FABP2: variants seen among roughly 807,000 people sequenced by gnomAD.
FABP2 encodes the protein fatty acid-binding protein, intestinal.
A neutral mutation model predicts 16.1 loss-of-function variants in FABP2; 11 were observed. That is an observed-to-expected ratio of 0.68 (90% CI 0.43 to 1.13). FABP2 has a LOEUF of 1.13. FABP2 is among the 50% of genes most tolerant of loss of function. The probability of loss-of-function intolerance (pLI) is 0.00; values close to 1 mark genes in which losing one functional copy is unlikely to be tolerated. For missense variants in FABP2, 146 were observed against 155.1 expected (o/e 0.94, Z 0.31); for synonymous variants, 45 against 50.9 (o/e 0.88, Z 0.49).
At position 119,320,753 on chromosome 4, in the gene FABP2, AT is replaced by A; in HGVS notation, c.156del (p.Glu52AspfsTer22). 6.2e-7 allele frequency: 1 copy of A among 1,606,280 alleles called. No individual in the cohort carries two copies. Among genetic ancestry groups the A allele is most frequent in the South Asian group, 1.1e-5 (1 of 89,310 alleles). On this transcript the variant is annotated frameshift_variant, in exon 2 of 4. Transcript: ENST00000274024. LOFTEE classifies it high-confidence loss of function. ...ACTTCAATGTTTCGAAAAGTGCTTG[AT>A]TCTTTGACTGTGAATTTATTTCCTT... ...TQEGNKFTVK[E>X]SSTFRNIEVV...
intron 1 of FABP2, among the ~76,000 whole-genome samples, chr4:119,321,094 C>A (rs1304785694): frequency 1.3e-5 from 2 of 151,986 alleles, no homozygotes. Flanking sequence ...TAGAGCTGAG[C>A]AACCTTAATA....
Position 119,322,036 on chromosome 4 carries a change from C to G in FABP2, c.67G>C (p.Gly23Arg). 3.7e-6 allele frequency: 6 copies of G among 1,610,526 alleles called. No individual in the cohort carries two copies. Among genetic ancestry groups the G allele is most frequent in the Non-Finnish European group, 5.1e-6 (6 of 1,177,770 alleles). ...ENYDKFMEKM[G>R]VNIVKRKLAA... ...AGCCACAAAGAAATAAAGTCTTTACCCATTTTTTCCATGAACTTGTCATAG... is the reference window on the plus strand; with the variant it reads ...AGCCACAAAGAAATAAAGTCTTTACGCATTTTTTCCATGAACTTGTCATAG... Residue 23 changes from glycine (G) to arginine (R), a missense_variant and splice_region_variant, in exon 1 of 4, where the codon GGT (glycine) becomes CGT (arginine). Gly to Arg is a moderately radical substitution (Grantham distance 125). Coordinates refer to ENST00000274024, the MANE Select transcript of FABP2 (RefSeq NM_000134.4).
At chr4:119,320,222 TA>T in intron 2 of FABP2, among the ~76,000 whole-genome samples, 1 of 152,072 alleles carries the variant, frequency 6.6e-6, no homozygotes, top group Non-Finnish European at 1.5e-5. Flanking sequence ...CATGAAAAGG[TA>T]CACTCCCAAT....
intron 1 of FABP2, among the ~76,000 whole-genome samples, chr4:119,321,617 C>T (rs4834771): frequency 2.6e-5 from 4 of 151,914 alleles, no homozygotes; most frequent in South Asian, 2.1e-4. Flanking sequence ...ACTTATTCAG[C>T]GCTATAAATT....
Position 119,318,964 on chromosome 4 carries a change from G to C in FABP2, c.*77C>G. 2 of 1,123,878 alleles carry C rather than the reference G, an allele frequency of 1.8e-6. No homozygotes were observed. Among genetic ancestry groups the C allele is most frequent in the South Asian group, 2.8e-5 (2 of 71,458 alleles). 69.6% of individuals were successfully genotyped at this position (1,123,878 alleles called of 1,614,324 possible). On this transcript the variant is annotated 3_prime_UTR_variant, in exon 4 of 4. Coordinates refer to ENST00000274024, the MANE Select transcript of FABP2 (RefSeq NM_000134.4). Reference sequence around the variant, plus strand: ...TCAATCAGTAACCTTATACTTGATGGGGTGAAATAAATAGTTCTGGTACAA... The same window carrying C: ...TCAATCAGTAACCTTATACTTGATGCGGTGAAATAAATAGTTCTGGTACAA...
At chr4:119,322,014 C>A (rs1283171689) in intron 1 of FABP2, 22 bp downstream of exon 1, 2 of 1,594,992 alleles carry the variant, frequency 1.3e-6, no homozygotes, top group Non-Finnish European at 1.7e-6. Context: ...AAGAATGAGC[C>A]ACAAAGAAAT....
intron 1 of FABP2, among the ~76,000 whole-genome samples, chr4:119,321,537 AG>A (rs1755669683): frequency 6.6e-6 from 1 of 152,146 alleles, no homozygotes; most frequent in Admixed American, 6.6e-5. Context: ...AACGCCCTGG[AG>A]AAAACTACAC....
In FABP2 at chr4:119,318,269, T is replaced by C. The variant is rs1283275180; in HGVS notation, c.*772A>G. ...GCAATTATCTCTGGATTATGAGTTA[T>C]GGAAATACTTATTTTACATTTGTGT... is the stretch of plus-strand genomic sequence containing the variant. On this transcript the variant is annotated 3_prime_UTR_variant, in exon 4 of 4. Transcript: ENST00000274024. 2 of 152,146 alleles carry C rather than the reference T, an allele frequency of 1.3e-5. No individual in the cohort carries two copies. Among genetic ancestry groups the C allele is most frequent in the Non-Finnish European group, 1.5e-5 (1 of 67,998 alleles). The allele number at this position is 152,146 out of a possible 1,614,324, so 9.4% of individuals were successfully genotyped here.
Position 119,321,157 on chromosome 4 carries a change from C to T in FABP2, c.68-315G>A, listed in dbSNP as rs28652763. ...TAAGTAAATCAAATTCTAGAAATAT[C>T]AAATGAAGGATTAAAATGTATATTC... On this transcript the variant is annotated intron_variant, in intron 1 of 3. Transcript: ENST00000274024. Among the ~76,000 whole-genome samples the T allele has an allele frequency of 0.34, 51,273 of 151,768 alleles. 8,833 individuals are homozygous for T. The highest frequency in any genetic ancestry group is 0.39 in the East Asian group (2,002 of 5,162).
At position 119,319,096 on chromosome 4, in the gene FABP2, A is replaced by G. The variant is rs759771179; in HGVS notation, c.349-5T>C. 2.5e-6 allele frequency: 4 copies of G among 1,581,478 alleles called. No individual in the cohort carries two copies. Among genetic ancestry groups the G allele is most frequent in the Non-Finnish European group, 3.4e-6 (4 of 1,162,566 alleles). On this transcript the variant is annotated splice_region_variant and splice_polypyrimidine_tract_variant and intron_variant, in intron 3 of 3. Coordinates refer to ENST00000274024, the MANE Select transcript of FABP2 (RefSeq NM_000134.4). ...TACTCCTTCATATACATAAGTCTGA[A>G]AGGTGTTAACAAACAGAAGAATTTA...
chr4:119,319,205 T>C, intron 3 of FABP2, 114 bp from the exon 4 acceptor site: 1 of 414,144 alleles, frequency 2.4e-6, no homozygotes, highest in Non-Finnish European at 4.0e-6. Flanking sequence ...ATATTATATA[T>C]TCATATATAT....
At chr4:119,320,903 C>T in intron 1 of FABP2, 61 bp from the exon 2 acceptor site, 2 of 1,371,118 alleles carry the variant, frequency 1.5e-6, no homozygotes, top group Non-Finnish European at 1.9e-6. Flanking sequence ...GTTTATTTTT[C>T]CAAGTTATGT....
intron 1 of FABP2, 63 bp downstream of exon 1, chr4:119,321,973 A>T (rs550679355): frequency 3.0e-6 from 4 of 1,320,130 alleles, no homozygotes; most frequent in Non-Finnish European, 4.3e-6. Context: ...GAGATTTAGG[A>T]GTTAGAAAGA....
chr4:119,319,116 A>G, intron 3 of FABP2, 25 bp from the exon 4 acceptor site: 3 of 1,517,720 alleles, frequency 2.0e-6, no homozygotes, highest in Non-Finnish European at 2.7e-6. Context: ...CAAACAGAAG[A>G]ATTTATCTTT....
At position 119,318,541 on chromosome 4, in the gene FABP2, A is replaced by T. The variant is rs1478657340; in HGVS notation, c.*500T>A. 6.6e-6 allele frequency: 1 copy of T among 152,346 alleles called. No homozygotes were observed. The highest frequency in any genetic ancestry group is 1.5e-5 in the Non-Finnish European group (1 of 68,254). 9.4% of individuals were successfully genotyped at this position (152,346 alleles called of 1,614,324 possible). A position where few individuals can be genotyped will look rare whatever the true frequency, so the allele number is the denominator to read the frequency against. ...TAGCAAGACCCCATCTCTAAAAAAA[A>T]TAAAAAGAAAACAAAACAAAAATTA... On this transcript the variant is annotated 3_prime_UTR_variant, in exon 4 of 4. Coordinates refer to ENST00000274024, the MANE Select transcript of FABP2 (RefSeq NM_000134.4).
chr4:119,318,968 G>T lies in FABP2; in HGVS notation c.*73C>A. On this transcript the variant is annotated 3_prime_UTR_variant, in exon 4 of 4. Transcript: ENST00000274024. ...TCAGTAACCTTATACTTGATGGGGT[G>T]AAATAAATAGTTCTGGTACAATATA... The T allele has an allele frequency of 1.7e-6, 2 of 1,198,312 alleles. No homozygotes were observed. The highest frequency in any genetic ancestry group is 2.6e-5 in the East Asian group (1 of 38,756). The allele number at this position is 1,198,312 out of a possible 1,614,324, so 74.2% of individuals were successfully genotyped here. A position where few individuals can be genotyped will look rare whatever the true frequency, so the allele number is the denominator to read the frequency against.
intron 1 of FABP2, 95 bp downstream of exon 1, chr4:119,321,941 G>A (rs1213418088): frequency 1.0e-6 from 1 of 998,300 alleles, no homozygotes. Flanking sequence ...GGAGCTATCT[G>A]TAAGCTATCT....
At position 119,319,086 on chromosome 4, in the gene FABP2, A is replaced by G. The variant is rs566275515; in HGVS notation, c.354T>C (p.Tyr118=). The part of the protein sequence containing the change: ...EIIGDELVQT[Y]VYEGVEAKRI... Reference sequence around the variant, plus strand: ...TTTTGGCTTCTACTCCTTCATATACATAAGTCTGAAAGGTGTTAACAAACA... The same window carrying G: ...TTTTGGCTTCTACTCCTTCATATACGTAAGTCTGAAAGGTGTTAACAAACA... Residue 118 remains tyrosine, a synonymous_variant, in exon 4 of 4, where the codon TAT becomes TAC. Coordinates refer to ENST00000274024, the MANE Select transcript of FABP2 (RefSeq NM_000134.4). 7 of 1,593,812 alleles carry G rather than the reference A, an allele frequency of 4.4e-6. No individual in the cohort carries two copies. The highest frequency in any genetic ancestry group is 3.6e-5 in the Admixed American group (2 of 56,218).
At chr4:119,321,041 A>C (rs780657970) in intron 1 of FABP2, among the ~76,000 whole-genome samples, 199 bp from the exon 2 acceptor site, 1 of 152,120 alleles carries the variant, frequency 6.6e-6, no homozygotes, top group African/African-American at 2.4e-5. Flanking sequence ...TTGTTTTTCC[A>C]TAACTTGAGA....
Sources: gnomAD v4.1 joint callset for allele counts (sites outside exome capture counted in the v4.1 genomes callset) on GRCh38, gnomAD v4.1.1 for gene constraint, MANE v1.5 for transcripts, NCBI Gene and HGNC (gene_info 2026-07-23, HGNC 2026-07-21) for gene names.